CHRM2: variants seen among roughly 807,000 people sequenced by gnomAD.
The protein encoded by CHRM2 is muscarinic acetylcholine receptor M2.
Under a neutral mutation model 25.0 loss-of-function variants are expected in CHRM2, and 8 were observed. The ratio of observed to expected loss-of-function variants is 0.32; its 90% confidence interval spans 0.19 to 0.58. The LOEUF is 0.58. Ranked by LOEUF, CHRM2 falls within the 20% of genes least tolerant of loss-of-function variation. CHRM2 has a pLI of 0.88. For missense variants in CHRM2, 440 were observed against 567.1 expected (o/e 0.78, Z 2.28); for synonymous variants, 202 against 205.7 (o/e 0.98, Z 0.15).
Position 137,018,537 on chromosome 7 carries a change from T to C in CHRM2, c.*2271T>C, listed in dbSNP as rs1256256444. 7 of 151,930 alleles carry C rather than the reference T, an allele frequency of 4.6e-5. No individual in the cohort carries two copies. The highest frequency in any genetic ancestry group is 1.7e-4 in the African/African-American group (7 of 41,418). 9.4% of individuals were successfully genotyped at this position (151,930 alleles called of 1,614,324 possible). A position where few individuals can be genotyped will look rare whatever the true frequency, so the allele number is the denominator to read the frequency against. ...GCCAAGTATTTCCCTTTTTAATGTA[T>C]TGTATTATTATTATGTAGATTTGGC... On this transcript the variant is annotated 3_prime_UTR_variant, in exon 4 of 4. Transcript: ENST00000680005.
At chr7:136,939,714 AAATT>A (rs1190604225) in intron 2 of CHRM2, among the ~76,000 whole-genome samples, 2 of 152,218 alleles carry the variant, frequency 1.3e-5, no homozygotes, top group Non-Finnish European at 1.5e-5. Flanking sequence ...AAAATTAAAT[AAATT>A]AAGGAAAAGT....
At chr7:137,011,872 A>C (rs542570081) in intron 3 of CHRM2, among the ~76,000 whole-genome samples, 4 of 152,002 alleles carry the variant, frequency 2.6e-5, no homozygotes, top group Non-Finnish European at 5.9e-5. Flanking sequence ...CCCCTTTTCC[A>C]GAATTCAGCT....
At chr7:136,947,347 G>A (rs991486275) in intron 2 of CHRM2, among the ~76,000 whole-genome samples, 2 of 152,062 alleles carry the variant, frequency 1.3e-5, no homozygotes, top group African/African-American at 2.4e-5. Context: ...ATCTAGGGAT[G>A]GGGAATATTA....
In CHRM2 at chr7:136,872,983, T is replaced by A. The variant is rs13223210; in HGVS notation, c.-125+3565T>A. Among the ~76,000 whole-genome samples the A allele has an allele frequency of 3.3e-5, 5 of 152,270 alleles. No homozygotes were observed. In the South Asian group the frequency reaches 6.2e-4, roughly 19 times the overall value. On this transcript the variant is annotated intron_variant, in intron 2 of 3. Transcript: ENST00000680005. ...CTTAAACTTTTCCCACTTTACTCAA[T>A]AGGACAGAGACTGACAGAAACATTT...
chr7:136,905,436 A>G (rs1331852890), intron 2 of CHRM2, among the ~76,000 whole-genome samples: 2 of 151,740 alleles, frequency 1.3e-5, no homozygotes, highest in African/African-American at 4.8e-5. Context: ...TGCACCTATC[A>G]TGTTTGAATC....
intron 2 of CHRM2, among the ~76,000 whole-genome samples, chr7:136,883,147 T>C (rs1796330831): frequency 6.6e-6 from 1 of 152,150 alleles, no homozygotes; most frequent in South Asian, 2.1e-4. Flanking sequence ...ATAGCACTAC[T>C]TCTGCCTTAA....
At chr7:136,948,163 A>C (rs553283621) in intron 2 of CHRM2, among the ~76,000 whole-genome samples, 1 of 152,246 alleles carries the variant, frequency 6.6e-6, no homozygotes, top group East Asian at 1.9e-4. Flanking sequence ...CACATCCACC[A>C]ATGCATAAAG....
chr7:136,949,824 C>G (rs1035737983), intron 2 of CHRM2, among the ~76,000 whole-genome samples: 1 of 151,726 alleles, frequency 6.6e-6, no homozygotes, highest in African/African-American at 2.4e-5. Flanking sequence ...ACTGCAAGCT[C>G]CACCTTACTT....
At chr7:136,955,543 C>T (rs184301055) in intron 2 of CHRM2, among the ~76,000 whole-genome samples, 10 of 152,224 alleles carry the variant, frequency 6.6e-5, no homozygotes, top group Admixed American at 6.5e-4. Context: ...GCTCTGTATC[C>T]ATGGCCATGA....
rs367850579 is a variant in CHRM2, at chr7:136,888,905, G to A, written c.-125+19487G>A. 5.9e-5 allele frequency among the ~76,000 whole-genome samples: 9 copies of A among 151,750 alleles called. No individual in the cohort carries two copies. In the East Asian group the frequency reaches 1.6e-3, roughly 26 times the overall value. ...ACTAAAAAATACAAAAAAATTAGCC[G>A]GGCGTGGTGGCGGGCACCTGTAGTC... On this transcript the variant is annotated intron_variant, in intron 2 of 3. Coordinates refer to ENST00000680005, the MANE Select transcript of CHRM2 (RefSeq NM_001006630.2).
intron 2 of CHRM2, among the ~76,000 whole-genome samples, chr7:136,876,886 T>C (rs1181026540): frequency 6.6e-6 from 1 of 152,100 alleles, no homozygotes; most frequent in East Asian, 1.9e-4. Context: ...CTGAATTACT[T>C]AAATAACTAC....
At chr7:136,896,315 G>C (rs533998950) in intron 2 of CHRM2, among the ~76,000 whole-genome samples, 1 of 152,128 alleles carries the variant, frequency 6.6e-6, no homozygotes, top group Admixed American at 6.5e-5. Flanking sequence ...ACAAATTTCT[G>C]ATTTCTCAAT....
intron 2 of CHRM2, among the ~76,000 whole-genome samples, chr7:136,918,543 C>G (rs1035766816): frequency 2.0e-5 from 3 of 151,608 alleles, no homozygotes; most frequent in Non-Finnish European, 2.9e-5. Context: ...TAACCATTTG[C>G]TGAAAATATT....
chr7:136,947,060 A>G (rs1049918690), intron 2 of CHRM2, among the ~76,000 whole-genome samples: 1 of 152,210 alleles, frequency 6.6e-6, no homozygotes, highest in Non-Finnish European at 1.5e-5. Context: ...ATTTTATGTT[A>G]GCCAAATAGT....
At chr7:136,888,260 TA>T (rs1317480887) in intron 2 of CHRM2, among the ~76,000 whole-genome samples, 2 of 152,158 alleles carry the variant, frequency 1.3e-5, no homozygotes, top group Non-Finnish European at 2.9e-5. Flanking sequence ...CTTATTGTCT[TA>T]AAATAGATAG....
At chr7:136,888,293 T>A in intron 2 of CHRM2, among the ~76,000 whole-genome samples, 1 of 152,168 alleles carries the variant, frequency 6.6e-6, no homozygotes, top group East Asian at 1.9e-4. Flanking sequence ...CCCTCTTCCC[T>A]GTGATGTCTG....
rs1373778079 is a variant in CHRM2 at position 137,015,849 on chromosome 7, C to A, written c.984C>A (p.Gly328=). 1 of 1,612,986 alleles carries A rather than the reference C, an allele frequency of 6.2e-7. No individual in the cohort carries two copies. The highest frequency in any genetic ancestry group is 1.7e-5 in the Admixed American group (1 of 59,908). ...ENSKQTCIRI[G]TKTPKSDSCT... ...CTAAGCAAACATGCATCAGAATTGG[C>A]ACCAAGACCCCAAAAAGTGACTCAT... is the stretch of plus-strand genomic sequence containing the variant. The change falls in exon 4 of 4, where the codon GGC becomes GGA. Residue 328 remains glycine, a synonymous_variant. Coordinates refer to ENST00000680005, the MANE Select transcript of CHRM2 (RefSeq NM_001006630.2). This position sits in a 1 kb window ranked among gnomAD's most constrained non-coding sequence, Gnocchi z 5.1.
chr7:136,994,469 T>C (rs1244450206), intron 3 of CHRM2, among the ~76,000 whole-genome samples: 2 of 151,696 alleles, frequency 1.3e-5, no homozygotes, highest in Non-Finnish European at 2.9e-5. Context: ...AGGTACTTAT[T>C]TGGTTATATA....
At chr7:136,899,749 A>G (rs1797098892) in intron 2 of CHRM2, 1 of 152,104 alleles carries the variant, frequency 6.6e-6, no homozygotes. Flanking sequence ...GGATGTAGTA[A>G]TCCATGTCTT....
Sources: gnomAD v4.1 joint callset for allele counts (sites outside exome capture counted in the v4.1 genomes callset) on GRCh38, gnomAD v4.1.1 for gene constraint, Gnocchi (gnomAD v3.1) non-coding constraint, MANE v1.5 for transcripts, NCBI Gene and HGNC (gene_info 2026-07-23, HGNC 2026-07-21) for gene names.